TBC1D32: variants seen among roughly 807,000 people sequenced by gnomAD.
TBC1D32 encodes the protein protein broad-minded.
A neutral mutation model predicts 170.3 loss-of-function variants in TBC1D32; 151 were observed. The observed-to-expected ratio is 0.89, with a 90% CI of 0.78 to 1.01. The LOEUF (loss-of-function observed/expected upper bound fraction) is 1.01, where lower values mean the gene tolerates loss of function less well. Ranked by LOEUF, TBC1D32 falls within the 50% of genes least tolerant of loss-of-function variation. The pLI is 0.00. For missense variants in TBC1D32, 1,464 were observed against 1,457.1 expected, an observed-to-expected ratio of 1.00 and a Z score of -0.08; for synonymous variants, 498 against 488.0, an observed-to-expected ratio of 1.02 and a Z score of -0.27.
chr6:121,180,905 A>T (rs1409851211), intron 22 of TBC1D32, among the ~76,000 whole-genome samples: 1 of 152,156 alleles, frequency 6.6e-6, no homozygotes, highest in Non-Finnish European at 1.5e-5. Flanking sequence ...TAATAATAAT[A>T]ACCCAATTTA....
rs183064288 is a variant in TBC1D32, at chr6:121,228,681, G to A, written c.2365-5329C>T. Among the ~76,000 whole-genome samples, 153 of 151,956 alleles carry A rather than the reference G, an allele frequency of 1.0e-3. 1 individual carries two copies. The highest frequency in any genetic ancestry group is 3.6e-3 in the African/African-American group (150 of 41,476). On this transcript the variant is annotated intron_variant, in intron 20 of 31. Coordinates refer to ENST00000398212, the MANE Select transcript of TBC1D32 (RefSeq NM_152730.6). ...ATTTAGCCCAACATGGTCTATCTTT[G>A]AGGACATGCCATGTGTTCTTGAAAA...
chr6:121,105,956 G>C, intron 30 of TBC1D32, 67 bp downstream of exon 30: 1 of 1,418,744 alleles, frequency 7.0e-7, no homozygotes, highest in East Asian at 2.4e-5. Context: ...TATTTGATGA[G>C]AACACAGTTT....
chr6:121,172,507 T>C (rs1787174497), intron 22 of TBC1D32, among the ~76,000 whole-genome samples: 1 of 152,174 alleles, frequency 6.6e-6, no homozygotes, highest in South Asian at 2.1e-4. Context: ...GGACTACAAA[T>C]GGCTCAGACC....
At chr6:121,312,733 A>C (rs746014291) in intron 3 of TBC1D32, among the ~76,000 whole-genome samples, 1 of 152,222 alleles carries the variant, frequency 6.6e-6, no homozygotes, top group Non-Finnish European at 1.5e-5. Flanking sequence ...ATGTACTTAC[A>C]TGCTAAAATG....
At chr6:121,318,201 G>A (rs956062048) in intron 2 of TBC1D32, among the ~76,000 whole-genome samples, 3 of 152,012 alleles carry the variant, frequency 2.0e-5, no homozygotes, top group Non-Finnish European at 4.4e-5. Flanking sequence ...CTATCAACGT[G>A]TCCTTTCAAA....
At chr6:121,239,349 T>G (rs1031554492) in intron 19 of TBC1D32, among the ~76,000 whole-genome samples, 161 bp from the exon 20 acceptor site, 1 of 152,142 alleles carries the variant, frequency 6.6e-6, no homozygotes, top group Non-Finnish European at 1.5e-5. Context: ...AAATTATATC[T>G]GCTATTGTTA....
At chr6:121,255,679 G>A (rs1798910542) in intron 16 of TBC1D32, among the ~76,000 whole-genome samples, 2 of 151,858 alleles carry the variant, frequency 1.3e-5, no homozygotes, top group South Asian at 4.2e-4. Flanking sequence ...CATATCAAAT[G>A]GGGGGAAAAG....
At chr6:121,098,950 T>A (rs1582760808) in intron 30 of TBC1D32, among the ~76,000 whole-genome samples, 1 of 152,136 alleles carries the variant, frequency 6.6e-6, no homozygotes, top group East Asian at 1.9e-4. Context: ...CCTTTATAAA[T>A]CTGACTCTGA....
intron 31 of TBC1D32, among the ~76,000 whole-genome samples, chr6:121,088,856 T>A (rs1489035689): frequency 6.6e-6 from 1 of 152,190 alleles, no homozygotes; most frequent in African/African-American, 2.4e-5. Flanking sequence ...TAGGTCATAA[T>A]CTCCTCTCCC....
chr6:121,179,316 A>G (rs1214040655), intron 22 of TBC1D32, among the ~76,000 whole-genome samples: 1 of 150,402 alleles, frequency 6.6e-6, no homozygotes, highest in Admixed American at 6.6e-5. Flanking sequence ...GTGTGTGTGC[A>G]TGTGTGTGAA....
At chr6:121,099,428 C>T (rs1247523523) in intron 30 of TBC1D32, among the ~76,000 whole-genome samples, 1 of 151,826 alleles carries the variant, frequency 6.6e-6, no homozygotes, top group African/African-American at 2.4e-5. Context: ...AACAAATATG[C>T]ATTTCTTGCT....
chr6:121,105,520 T>C (rs1210591926), intron 30 of TBC1D32, among the ~76,000 whole-genome samples: 1 of 151,962 alleles, frequency 6.6e-6, no homozygotes, highest in African/African-American at 2.4e-5. Flanking sequence ...GGACTGGCTA[T>C]ACACAGAAAG....
rs144704637 is a variant in TBC1D32 at position 121,194,403 on chromosome 6, C to T, written c.2570+10672G>A. On this transcript the variant is annotated intron_variant, in intron 22 of 31. Coordinates refer to ENST00000398212, the MANE Select transcript of TBC1D32 (RefSeq NM_152730.6). ...CAGTATCACATCCCTGCAGGGATTGCGGAGATTAGTGCCACCATGAAGGAC... is the reference window on the plus strand; with the variant it reads ...CAGTATCACATCCCTGCAGGGATTGTGGAGATTAGTGCCACCATGAAGGAC... 1.5e-3 allele frequency among the ~76,000 whole-genome samples: 232 copies of T among 152,242 alleles called. 1 individual carries two copies. Among genetic ancestry groups the T allele is most frequent in the African/African-American group, 5.4e-3 (225 of 41,546 alleles).
intron 10 of TBC1D32, among the ~76,000 whole-genome samples, chr6:121,296,222 T>A (rs1327037225): frequency 6.6e-6 from 1 of 152,158 alleles, no homozygotes; most frequent in Non-Finnish European, 1.5e-5. Context: ...CATACTTCAC[T>A]CAATGAACTT....
rs765369297 is a variant in TBC1D32, at chr6:121,115,225, C to A, written c.3000G>T (p.Val1000=). ...SVEYTATDAN[V]KNESLSSVQQ... is the part of the protein sequence containing the mutation. ...GCACAGATGAAAGACTTTCATTCTTCACATTTGCATCAGTAGCTAAAGACA... is the reference window on the plus strand; with the variant it reads ...GCACAGATGAAAGACTTTCATTCTTAACATTTGCATCAGTAGCTAAAGACA... The change falls in exon 27 of 32, where the codon GTG becomes GTT. Residue 1000 remains valine (V), a synonymous_variant. Coordinates refer to ENST00000398212, the MANE Select transcript of TBC1D32 (RefSeq NM_152730.6). 10 of 1,599,330 alleles carry A rather than the reference C, an allele frequency of 6.3e-6. No homozygotes were observed. Among genetic ancestry groups the A allele is most frequent in the Non-Finnish European group, 7.7e-6 (9 of 1,171,282 alleles).
chr6:121,264,060 T>TAGA (rs199884440), intron 15 of TBC1D32, among the ~76,000 whole-genome samples: 4,975 of 151,732 alleles, frequency 0.033, 188 homozygotes, highest in East Asian at 0.12. Context: ...ATACAAAAGC[T>TAGA]AGAAGACAGG....
chr6:121,273,136 T>C (rs116879949), intron 15 of TBC1D32, among the ~76,000 whole-genome samples: 4,970 of 151,180 alleles, frequency 0.033, 194 homozygotes, highest in East Asian at 0.12. Flanking sequence ...GGAGGGATAG[T>C]TTTAGGAGAT....
intron 22 of TBC1D32, among the ~76,000 whole-genome samples, chr6:121,172,030 G>A (rs1787084995): frequency 2.0e-5 from 3 of 152,090 alleles, no homozygotes; most frequent in Admixed American, 2.0e-4. Flanking sequence ...GGCAGCCAAA[G>A]GCAGTAAAAA....
intron 1 of TBC1D32, among the ~76,000 whole-genome samples, chr6:121,328,676 G>T (rs551247359): frequency 6.6e-6 from 1 of 152,184 alleles, no homozygotes; most frequent in African/African-American, 2.4e-5. Context: ...TTTGCTTCAG[G>T]TTTAAATTCT....
Sources: gnomAD v4.1 joint callset for allele counts (sites outside exome capture counted in the v4.1 genomes callset) on GRCh38, gnomAD v4.1.1 for gene constraint, MANE v1.5 for transcripts, NCBI Gene and HGNC (gene_info 2026-07-23, HGNC 2026-07-21) for gene names.